Variants in FHIP1A observed in about 807,000 individuals in gnomAD.
FHIP1A encodes FHF complex subunit HOOK-interacting protein 1A.
In FHIP1A, 61 loss-of-function variants were observed where a neutral mutation model predicts 88.6. The ratio of observed to expected loss-of-function variants is 0.69; its 90% CI spans 0.56 to 0.85. FHIP1A has a LOEUF of 0.85. FHIP1A is among the 40% of genes least tolerant of loss of function. FHIP1A has a pLI of 0.00. For missense variants in FHIP1A, 1,154 were observed against 1,273.5 expected (o/e 0.91, Z 1.43); for synonymous variants, 478 against 496.0 (o/e 0.96, Z 0.48).
At chr4:151,553,824 GCAAA>G (rs1187629165) in intron 3 of FHIP1A, among the ~76,000 whole-genome samples, 2 of 152,252 alleles carry the variant, frequency 1.3e-5, no homozygotes, top group African/African-American at 2.4e-5. Context: ...TTATGTCCAA[GCAAA>G]CAAACAAACA....
chr4:151,590,951 A>G (rs1173374398), intron 7 of FHIP1A, among the ~76,000 whole-genome samples: 2 of 152,180 alleles, frequency 1.3e-5, no homozygotes, highest in African/African-American at 2.4e-5. Context: ...TGAATTTCCA[A>G]CCCCTAATTA....
intron 2 of FHIP1A, among the ~76,000 whole-genome samples, chr4:151,458,043 G>A (rs923513897): frequency 6.6e-6 from 1 of 152,202 alleles, no homozygotes; most frequent in Non-Finnish European, 1.5e-5. Context: ...CACTTACTAT[G>A]TGCCAGGCAC....
chr4:151,504,592 G>T (rs7670228), intron 3 of FHIP1A, among the ~76,000 whole-genome samples: 3,762 of 133,186 alleles, frequency 0.028, 154 homozygotes, highest in African/African-American at 0.092. Flanking sequence ...GTTATGTTAT[G>T]TTATGTTATG....
In FHIP1A at chr4:151,575,978, C is replaced by T. The variant is rs143383976; in HGVS notation, c.106-1472C>T. ...TCCATGCAATTCAGAAAGGCAAAAA[C>T]GGACAAAGATAAAGTCATTGATAAA... On this transcript the variant is annotated intron_variant, in intron 4 of 13. Coordinates refer to ENST00000435205, the MANE Select transcript of FHIP1A (RefSeq NM_001109977.3). Among the ~76,000 whole-genome samples, 95 of 152,174 alleles carry T rather than the reference C, an allele frequency of 6.2e-4. 1 individual carries two copies. The South Asian group carries it at 9.6e-3, about 15-fold the overall frequency.
chr4:151,599,853 T>C (rs904701864), intron 7 of FHIP1A, among the ~76,000 whole-genome samples: 8 of 152,176 alleles, frequency 5.3e-5, no homozygotes, highest in Non-Finnish European at 7.4e-5. Flanking sequence ...ATTTGCTTAT[T>C]ATAGAGACCT....
chr4:151,466,649 C>T (rs1729324507), intron 2 of FHIP1A, among the ~76,000 whole-genome samples: 2 of 152,068 alleles, frequency 1.3e-5, no homozygotes. Flanking sequence ...ACTAATGGAA[C>T]AGTACAGAGA....
chr4:151,524,900 C>T (rs895961010), intron 3 of FHIP1A, among the ~76,000 whole-genome samples: 1 of 152,162 alleles, frequency 6.6e-6, no homozygotes, highest in African/African-American at 2.4e-5. Context: ...TGGTTTTGAA[C>T]TAAGATACTA....
At chr4:151,619,974 G>T (rs751655655) in intron 7 of FHIP1A, among the ~76,000 whole-genome samples, 20 of 152,146 alleles carry the variant, frequency 1.3e-4, no homozygotes, top group Admixed American at 1.0e-3. Flanking sequence ...GGGAAATGTG[G>T]TTTTTTATTA....
intron 1 of FHIP1A, among the ~76,000 whole-genome samples, chr4:151,427,250 T>A (rs1426705981): frequency 6.6e-6 from 1 of 152,120 alleles, no homozygotes; most frequent in Non-Finnish European, 1.5e-5. Context: ...TAGAAGTCAG[T>A]TTATTGACTT....
At chr4:151,552,895 G>A (rs910946652) in intron 3 of FHIP1A, among the ~76,000 whole-genome samples, 5 of 151,598 alleles carry the variant, frequency 3.3e-5, no homozygotes, top group Non-Finnish European at 7.4e-5. Context: ...CATTTCTCCC[G>A]GGTGTGTGTG....
At chr4:151,470,641 A>T (rs532325307) in intron 2 of FHIP1A, among the ~76,000 whole-genome samples, 1 of 152,284 alleles carries the variant, frequency 6.6e-6, no homozygotes, top group Admixed American at 6.5e-5. Context: ...TTTCTTGGGG[A>T]CATACAAAAT....
At chr4:151,612,175 C>T (rs983590583) in intron 7 of FHIP1A, among the ~76,000 whole-genome samples, 2 of 152,176 alleles carry the variant, frequency 1.3e-5, no homozygotes, top group Admixed American at 6.5e-5. Context: ...TCATCTCTTT[C>T]CATTAGGCAC....
At chr4:151,487,217 A>G (rs1730119786) in intron 3 of FHIP1A, among the ~76,000 whole-genome samples, 1 of 152,046 alleles carries the variant, frequency 6.6e-6, no homozygotes, top group Non-Finnish European at 1.5e-5. Context: ...GGATGATGGT[A>G]TATTTTCCTC....
At chr4:151,504,468 C>A (rs1175401279) in intron 3 of FHIP1A, among the ~76,000 whole-genome samples, 1 of 152,128 alleles carries the variant, frequency 6.6e-6, no homozygotes, top group African/African-American at 2.4e-5. Flanking sequence ...CAGTATATTA[C>A]TCAGGATGTT....
At chr4:151,464,607 C>T (rs1229817747) in intron 2 of FHIP1A, among the ~76,000 whole-genome samples, 3 of 152,144 alleles carry the variant, frequency 2.0e-5, no homozygotes, top group African/African-American at 7.2e-5. Flanking sequence ...AAAACTGCTC[C>T]AAGTTCTTCC....
At chr4:151,511,352 A>T (rs1731021322) in intron 3 of FHIP1A, among the ~76,000 whole-genome samples, 2 of 152,192 alleles carry the variant, frequency 1.3e-5, no homozygotes, top group Non-Finnish European at 2.9e-5. Flanking sequence ...TCCTAGTGTG[A>T]GCGACGCAGA....
intron 10 of FHIP1A, among the ~76,000 whole-genome samples, 186 bp downstream of exon 10, chr4:151,646,934 G>A (rs1357072241): frequency 2.0e-5 from 3 of 152,076 alleles, no homozygotes; most frequent in Non-Finnish European, 2.9e-5. Flanking sequence ...GTTTATTGAC[G>A]TGCCCAGATG....
intron 4 of FHIP1A, among the ~76,000 whole-genome samples, chr4:151,575,633 G>C (rs1733759268): frequency 6.6e-6 from 1 of 152,110 alleles, no homozygotes; most frequent in African/African-American, 2.4e-5. Context: ...AGGGTGTTAG[G>C]GTGATTTTTT....
intron 1 of FHIP1A, among the ~76,000 whole-genome samples, chr4:151,435,186 C>G (rs1733756465): frequency 6.6e-6 from 1 of 151,102 alleles, no homozygotes; most frequent in African/African-American, 2.4e-5. Flanking sequence ...CTATAGTCAC[C>G]TTACTGTGCT....
Sources: gnomAD v4.1 joint callset for allele counts (sites outside exome capture counted in the v4.1 genomes callset) on GRCh38, gnomAD v4.1.1 for gene constraint, MANE v1.5 for transcripts, NCBI Gene and HGNC (gene_info 2026-07-23, HGNC 2026-07-21) for gene names.